The following TCF7L2 variants were observed in gnomAD, a reference collection of about 807,000 sequenced individuals.
TCF7L2 encodes transcription factor 7-like 2.
A neutral mutation model predicts 77.9 loss-of-function variants in TCF7L2; 23 were observed. The ratio of observed to expected loss-of-function variants is 0.30; its 90% CI spans 0.21 to 0.42. The LOEUF is 0.42. Ranked by LOEUF, TCF7L2 falls within the 10% of genes least tolerant of loss-of-function variation. TCF7L2 has a pLI of 1.00. For missense variants in TCF7L2, 654 were observed against 793.1 expected (o/e 0.82, Z 2.11); for synonymous variants, 413 against 340.2 (o/e 1.21, Z -2.36).
intron 5 of TCF7L2, among the ~76,000 whole-genome samples, chr10:113,079,667 T>C (rs2059120281): frequency 6.6e-6 from 1 of 152,132 alleles, no homozygotes; most frequent in Admixed American, 6.5e-5. Context: ...CCCATCCCTT[T>C]TTTTTTCTGA....
At chr10:113,082,275 G>C (rs1019208444) in intron 5 of TCF7L2, among the ~76,000 whole-genome samples, 2 of 151,722 alleles carry the variant, frequency 1.3e-5, no homozygotes, top group Non-Finnish European at 2.9e-5. Context: ...CAGTTAAAAA[G>C]TGTCTCCTTT....
At chr10:113,139,068 TCTCTGGGCTATGGGTGGTTCTCCCCA>T (rs2067882645) in intron 5 of TCF7L2, among the ~76,000 whole-genome samples, 1 of 152,294 alleles carries the variant, frequency 6.6e-6, no homozygotes, top group Admixed American at 6.5e-5. Flanking sequence ...CATCTTCCCT[TCTCTGGGCTATGGGTGGTTCTCCCCA>T]CTGGCCCTGG....
At chr10:112,994,971 G>A (rs564994970) in intron 4 of TCF7L2, among the ~76,000 whole-genome samples, 35 of 151,998 alleles carry the variant, frequency 2.3e-4, no homozygotes, top group Admixed American at 3.9e-4. Flanking sequence ...CTGGTGGTGG[G>A]CGCCTGTAAT....
chr10:112,964,895 T>A (rs894399396), intron 4 of TCF7L2, among the ~76,000 whole-genome samples: 1 of 151,580 alleles, frequency 6.6e-6, no homozygotes, highest in African/African-American at 2.4e-5. Context: ...TTTAGAGATA[T>A]GGAAAGAAAG....
rs1219773248 is a variant in TCF7L2, at chr10:113,151,171, C to A, written c.1001+48C>A. 1.2e-6 allele frequency: 2 copies of A among 1,611,608 alleles called. No individual in the cohort carries two copies. The highest frequency in any genetic ancestry group is 2.7e-5 in the African/African-American group (2 of 74,884). ...CCTTCTTCGTAGCCGCAGTGTTCTG[C>A]AAGCCTGTTGCAGCTGCTGGGTGGT... On this transcript the variant is annotated intron_variant, in intron 9 of 13. Coordinates refer to ENST00000627217, the MANE Select transcript of TCF7L2 (RefSeq NM_001146274.2). This position sits in a 1 kb window ranked among gnomAD's most constrained non-coding sequence, Gnocchi z 5.2.
chr10:112,964,816 G>GTGGTGAT (rs1331506565), intron 4 of TCF7L2, among the ~76,000 whole-genome samples, 192 bp downstream of exon 4: 26 of 148,142 alleles, frequency 1.8e-4, no homozygotes, highest in East Asian at 8.3e-4. Context: ...TGGTGGTGGG[G>GTGGTGAT]GGGGGTTGAA....
At chr10:113,165,075 A>T (rs1031147161) in intron 13 of TCF7L2, among the ~76,000 whole-genome samples, 1 of 151,914 alleles carries the variant, frequency 6.6e-6, no homozygotes, top group African/African-American at 2.4e-5. Flanking sequence ...TCACACACTC[A>T]CACACACACA....
At chr10:113,011,210 A>G (rs2046395307) in intron 4 of TCF7L2, among the ~76,000 whole-genome samples, 1 of 152,186 alleles carries the variant, frequency 6.6e-6, no homozygotes, top group African/African-American at 2.4e-5. Context: ...GCAGATGAGC[A>G]GTCATTTTCT....
Position 112,982,281 on chromosome 10 carries a change from A to C in TCF7L2, c.450+17657A>C, listed in dbSNP as rs1370575757. On this transcript the variant is annotated intron_variant, in intron 4 of 13. Transcript: ENST00000627217. The stretch of plus-strand genomic sequence containing the variant: ...ACTTTTTAATTGGGCAGGTTACTTA[A>C]TTGCTATGTGGCTCTATTTTCTCAT... 3.3e-5 allele frequency among the ~76,000 whole-genome samples: 5 copies of C among 152,186 alleles called. No individual in the cohort carries two copies. In the East Asian group the frequency reaches 9.6e-4, roughly 29 times the overall value.
chr10:112,998,706 C>T (rs2043944149), intron 4 of TCF7L2, among the ~76,000 whole-genome samples: 2 of 152,180 alleles, frequency 1.3e-5, no homozygotes, highest in Non-Finnish European at 2.9e-5. Flanking sequence ...TAGAGGGGCC[C>T]TGGACACAGG....
At chr10:113,094,232 T>A (rs1453796544) in intron 5 of TCF7L2, among the ~76,000 whole-genome samples, 4 of 152,258 alleles carry the variant, frequency 2.6e-5, no homozygotes, top group Non-Finnish European at 4.4e-5. Context: ...GTTAGCCATT[T>A]TGGTGAGAGG....
At chr10:112,985,169 C>G (rs2041250611) in intron 4 of TCF7L2, among the ~76,000 whole-genome samples, 1 of 152,190 alleles carries the variant, frequency 6.6e-6, no homozygotes, top group Non-Finnish European at 1.5e-5. Flanking sequence ...CTGGCAGGCT[C>G]TAGCTGTTGC....
intron 3 of TCF7L2, 37 bp downstream of exon 3, chr10:112,951,644 G>A: frequency 1.2e-6 from 1 of 864,270 alleles, no homozygotes; most frequent in Non-Finnish European, 1.3e-6. Flanking sequence ...CCCGCTGCCC[G>A]CCCGCCCGCG....
intron 5 of TCF7L2, among the ~76,000 whole-genome samples, chr10:113,093,573 T>C (rs2060620864): frequency 6.6e-6 from 1 of 152,230 alleles, no homozygotes; most frequent in African/African-American, 2.4e-5. Flanking sequence ...TTTCTTTCCA[T>C]GTAATTCAGC....
intron 1 of TCF7L2, 70 bp downstream of exon 1, chr10:112,951,015 G>A (rs2030823614): frequency 1.3e-6 from 2 of 1,531,940 alleles, no homozygotes; most frequent in South Asian, 2.4e-5. Context: ...TTGCTGAAAG[G>A]GGAGAAATCG....
chr10:113,044,928 C>T (rs1039921114), intron 5 of TCF7L2, among the ~76,000 whole-genome samples: 3 of 151,918 alleles, frequency 2.0e-5, no homozygotes, highest in Non-Finnish European at 1.5e-5. Context: ...TCTGTAGGAG[C>T]GTGTGTTAAG....
intron 5 of TCF7L2, among the ~76,000 whole-genome samples, chr10:113,077,365 C>T (rs1435008664): frequency 3.9e-5 from 6 of 152,124 alleles, no homozygotes; most frequent in Non-Finnish European, 1.5e-5. Flanking sequence ...ATGCAGTTCA[C>T]CCATTTAAAG....
chr10:113,100,926 T>C (rs1004919737), intron 5 of TCF7L2, among the ~76,000 whole-genome samples: 2 of 152,100 alleles, frequency 1.3e-5, no homozygotes, highest in African/African-American at 4.8e-5. Flanking sequence ...AAATATAAAA[T>C]TAGGCAGGCG....
At chr10:113,118,715 C>CTATTTGA (rs1450843187) in intron 5 of TCF7L2, among the ~76,000 whole-genome samples, 1 of 141,522 alleles carries the variant, frequency 7.1e-6, no homozygotes, top group African/African-American at 2.6e-5. Context: ...GCCTTGGTTG[C>CTATTTGA]TATTTGATAG....
Sources: allele counts gnomAD v4.1 joint callset (sites outside exome capture counted in the v4.1 genomes callset), GRCh38; gene constraint gnomAD v4.1.1; non-coding constraint Gnocchi (gnomAD v3.1); transcripts MANE v1.5; gene names NCBI Gene and HGNC (gene_info 2026-07-23, HGNC 2026-07-21).